ABCC4: variants seen among roughly 807,000 people sequenced by gnomAD.
ABCC4 encodes the protein ATP binding cassette subfamily C member 4 (PEL blood group).
ABCC4 carries 102 observed loss-of-function variants against 168.5 expected under a neutral mutation model. The observed-to-expected ratio is 0.61, with a 90% CI of 0.52 to 0.71. The LOEUF is 0.71. Ranked by LOEUF, ABCC4 falls within the 30% of genes least tolerant of loss-of-function variation. ABCC4 has a pLI of 0.00. For missense variants in ABCC4, 1,402 were observed against 1,605.8 expected (o/e 0.87, Z 2.17); for synonymous variants, 617 against 590.7 (o/e 1.04, Z -0.65).
intron 11 of ABCC4, among the ~76,000 whole-genome samples, chr13:95,181,536 T>C (rs1594248485): frequency 6.6e-6 from 1 of 152,370 alleles, no homozygotes; most frequent in African/African-American, 2.4e-5. Flanking sequence ...AGGAAGGACC[T>C]GCCATATTCT....
chr13:95,240,531 AACACACACACACACACAC>A (rs56298285), intron 3 of ABCC4, among the ~76,000 whole-genome samples: 6 of 149,542 alleles, frequency 4.0e-5, no homozygotes, highest in South Asian at 2.2e-4. Context: ...TCCATCTCAA[AACACACACACACACACAC>A]ACACACACAC....
chr13:95,301,115 G>T, intron 1 of ABCC4, 126 bp downstream of exon 1: 1 of 872,424 alleles, frequency 1.1e-6, no homozygotes, highest in Non-Finnish European at 1.7e-6. Context: ...GGACCGCGTG[G>T]CGTAGGAAAG....
intron 3 of ABCC4, among the ~76,000 whole-genome samples, chr13:95,240,796 C>T (rs1487804518): frequency 6.6e-6 from 1 of 152,022 alleles, no homozygotes; most frequent in African/African-American, 2.4e-5. Context: ...CATGGTAAAA[C>T]CCTGTCTCTA....
At chr13:95,226,048 T>G (rs1036238164) in intron 4 of ABCC4, among the ~76,000 whole-genome samples, 1 of 150,528 alleles carries the variant, frequency 6.6e-6, no homozygotes, top group Non-Finnish European at 1.5e-5. Flanking sequence ...TTTCTTAGAC[T>G]GGAAATCTAA....
intron 1 of ABCC4, among the ~76,000 whole-genome samples, chr13:95,268,887 C>T (rs2040762569): frequency 6.6e-6 from 1 of 152,068 alleles, no homozygotes; most frequent in Admixed American, 6.6e-5. Context: ...GAGCGGCGGT[C>T]CCCTGGGCCC....
intron 1 of ABCC4, among the ~76,000 whole-genome samples, chr13:95,250,330 C>T (rs923135851): frequency 6.6e-6 from 1 of 152,136 alleles, no homozygotes; most frequent in Admixed American, 6.6e-5. Context: ...ACAGCAGCAT[C>T]GCTTCCCTCC....
chr13:95,114,482 A>G (rs962923753), intron 20 of ABCC4, among the ~76,000 whole-genome samples: 19 of 152,204 alleles, frequency 1.2e-4, no homozygotes, highest in African/African-American at 3.9e-4. Flanking sequence ...TCTGCATTCT[A>G]TGTAAACGGG....
At chr13:95,083,606 A>G (rs2034170002) in intron 20 of ABCC4, among the ~76,000 whole-genome samples, 1 of 148,050 alleles carries the variant, frequency 6.8e-6, no homozygotes, top group Admixed American at 6.8e-5. Context: ...CTCTCACTGC[A>G]GCCTCCCACT....
At chr13:95,139,404 G>T (rs1180015402) in intron 19 of ABCC4, among the ~76,000 whole-genome samples, 2 of 152,202 alleles carry the variant, frequency 1.3e-5, no homozygotes, top group South Asian at 2.1e-4. Flanking sequence ...AGAAGAATGT[G>T]CCAGCTTGTT....
chr13:95,163,677 A>T (rs2037171037), intron 16 of ABCC4, 30 bp from the exon 17 acceptor site: 1 of 1,599,980 alleles, frequency 6.3e-7, no homozygotes, highest in East Asian at 2.3e-5. Context: ...AAAGACAAAA[A>T]TCAAACTTGG....
intron 14 of ABCC4, among the ~76,000 whole-genome samples, chr13:95,167,491 C>T (rs1280545133): frequency 6.6e-6 from 1 of 152,166 alleles, no homozygotes; most frequent in Non-Finnish European, 1.5e-5. Context: ...ACCCTCCCTG[C>T]TACCCCAATC....
intron 1 of ABCC4, among the ~76,000 whole-genome samples, chr13:95,297,581 T>G (rs1015118155): frequency 6.6e-6 from 1 of 152,168 alleles, no homozygotes; most frequent in Non-Finnish European, 1.5e-5. Context: ...GGCAGCCACT[T>G]CCTGGATGGG....
At chr13:95,276,427 A>C (rs990791646) in intron 1 of ABCC4, among the ~76,000 whole-genome samples, 15 of 148,624 alleles carry the variant, frequency 1.0e-4, no homozygotes, top group African/African-American at 3.7e-4. Flanking sequence ...AAAAAAAAAA[A>C]AAAAAAGTGA....
At chr13:95,023,073 T>C (rs1356515178) in intron 30 of ABCC4, among the ~76,000 whole-genome samples, 3 of 152,234 alleles carry the variant, frequency 2.0e-5, no homozygotes, top group East Asian at 3.8e-4. Flanking sequence ...TGTGTGGTTA[T>C]AGATTTATGT....
chr13:95,101,040 T>C (rs182895343), intron 20 of ABCC4, among the ~76,000 whole-genome samples: 1 of 152,326 alleles, frequency 6.6e-6, no homozygotes, highest in East Asian at 1.9e-4. Flanking sequence ...CCCAACCTAT[T>C]ATACTCAAGT....
At chr13:95,029,930 C>A (rs902664288) in intron 30 of ABCC4, among the ~76,000 whole-genome samples, 2 of 152,098 alleles carry the variant, frequency 1.3e-5, no homozygotes, top group Non-Finnish European at 2.9e-5. Flanking sequence ...GTCTCCTCCA[C>A]CTATTCAAAC....
At chr13:95,186,643 A>G in intron 11 of ABCC4, 58 bp downstream of exon 11, 1 of 1,486,372 alleles carries the variant, frequency 6.7e-7, no homozygotes, top group Non-Finnish European at 9.1e-7. Context: ...TTGTTGTTCA[A>G]GTGAACACTA....
At chr13:95,152,569 A>G (rs1220296348) in intron 19 of ABCC4, among the ~76,000 whole-genome samples, 1 of 152,212 alleles carries the variant, frequency 6.6e-6, no homozygotes, top group African/African-American at 2.4e-5. Flanking sequence ...AATTACCTAA[A>G]TTAGAATGTA....
intron 19 of ABCC4, among the ~76,000 whole-genome samples, chr13:95,117,100 T>G (rs2035403800): frequency 6.6e-6 from 1 of 152,186 alleles, no homozygotes; most frequent in Non-Finnish European, 1.5e-5. Context: ...AAGTTGGAGC[T>G]GCACCTCAAT....
Sources: gnomAD v4.1 joint callset for allele counts (sites outside exome capture counted in the v4.1 genomes callset) on GRCh38, gnomAD v4.1.1 for gene constraint, MANE v1.5 for transcripts, NCBI Gene and HGNC (gene_info 2026-07-23, HGNC 2026-07-21) for gene names.